PREX1: variants seen among roughly 807,000 people sequenced by gnomAD.
The protein encoded by PREX1 is phosphatidylinositol-3,4,5-trisphosphate dependent Rac exchange factor 1.
Under a neutral mutation model 198.3 loss-of-function variants are expected in PREX1, and 41 were observed. The observed-to-expected ratio is 0.21, with a 90% CI of 0.16 to 0.27. PREX1 has a LOEUF of 0.27. PREX1 is among the 10% of genes least tolerant of loss of function. The pLI is 1.00. For missense variants in PREX1, 1,620 were observed against 2,200.7 expected (o/e 0.74, Z 5.28); for synonymous variants, 843 against 887.2 (o/e 0.95, Z 0.89).
chr20:48,667,920 G>T (rs1225263646), intron 14 of PREX1, among the ~76,000 whole-genome samples: 1 of 152,202 alleles, frequency 6.6e-6, no homozygotes, highest in African/African-American at 2.4e-5. Flanking sequence ...AAGCAGCGCT[G>T]ATTGTCCCTC....
At position 48,659,989 on chromosome 20, in the gene PREX1, G is replaced by A. The variant is rs1159610571; in HGVS notation, c.1811C>T (p.Thr604Ile). The A allele has an allele frequency of 6.2e-7, 1 of 1,614,070 alleles. No homozygotes were observed. Among genetic ancestry groups the A allele is most frequent in the African/African-American group, 1.3e-5 (1 of 74,912 alleles). Residue 604 changes from threonine (T) to isoleucine (I), a missense_variant, in exon 16 of 40, where the codon ACC becomes ATC. Coordinates refer to ENST00000371941, the MANE Select transcript of PREX1 (RefSeq NM_020820.4). ...GCGAAGCTGTTTGTTCTTGCTGCTG[G>A]TCCCCTCCATCTCCTCGTCAGCATG... ...RFHADEEMEG[T>I]SSKNKQLRND...
At chr20:48,724,844 A>G (rs1050615569) in intron 5 of PREX1, among the ~76,000 whole-genome samples, 11 of 152,276 alleles carry the variant, frequency 7.2e-5, no homozygotes, top group African/African-American at 1.7e-4. Context: ...CTACCAGTTT[A>G]TAAGTTTCAC....
intron 1 of PREX1, among the ~76,000 whole-genome samples, chr20:48,810,854 T>A (rs2090430768): frequency 6.6e-6 from 1 of 151,824 alleles, no homozygotes; most frequent in Non-Finnish European, 1.5e-5. Context: ...ACCACTGCAC[T>A]CCAGCCTGGG....
At chr20:48,658,071 G>A in intron 17 of PREX1, 65 bp downstream of exon 17, 1 of 1,485,396 alleles carries the variant, frequency 6.7e-7, no homozygotes, top group Non-Finnish European at 9.2e-7. Flanking sequence ...CTCAAGGAGG[G>A]TGAAGAGAGA....
the PREX1 span, among the ~76,000 whole-genome samples, chr20:48,867,076 G>C: frequency 3.1e-4 from 47 of 152,246 alleles, no homozygotes; most frequent in Non-Finnish European, 5.9e-4. Flanking sequence ...GGAAGAAAAG[G>C]GAACCTCCCA....
chr20:48,856,265 A>T, the PREX1 span, among the ~76,000 whole-genome samples: 2 of 152,228 alleles, frequency 1.3e-5, no homozygotes. Flanking sequence ...CATCCATCCC[A>T]GAGTTGCTGG....
At chr20:48,801,647 T>C (rs1055235470) in intron 1 of PREX1, among the ~76,000 whole-genome samples, 2 of 152,206 alleles carry the variant, frequency 1.3e-5, no homozygotes, top group Non-Finnish European at 2.9e-5. Context: ...TCCCCGGGGC[T>C]GTTGCAGTCA....
rs984959133 is a variant in PREX1 at position 48,624,957 on chromosome 20, T to A, written c.*928A>T. The A allele has an allele frequency of 6.6e-6, 1 of 152,412 alleles. No individual in the cohort carries two copies. Among genetic ancestry groups the A allele is most frequent in the Non-Finnish European group, 1.5e-5 (1 of 68,026 alleles). 9.4% of individuals were successfully genotyped at this position (152,412 alleles called of 1,614,324 possible). On this transcript the variant is annotated 3_prime_UTR_variant, in exon 40 of 40. Coordinates refer to ENST00000371941, the MANE Select transcript of PREX1 (RefSeq NM_020820.4). ...GGAGAATGGAGGGTGGGGGAAGGAA[T>A]CACAGTCGATACCTCAAAACGACAC...
chr20:48,820,655 A>G (rs188235426), intron 1 of PREX1, among the ~76,000 whole-genome samples: 27 of 152,304 alleles, frequency 1.8e-4, no homozygotes, highest in Non-Finnish European at 3.2e-4. Flanking sequence ...TTTCACACCC[A>G]ACCACCTCTA....
intron 13 of PREX1, 143 bp downstream of exon 13, chr20:48,679,217 G>T: frequency 2.8e-6 from 2 of 716,188 alleles, no homozygotes; most frequent in Non-Finnish European, 4.8e-6. Flanking sequence ...TAATCCTAAT[G>T]ACAAATCTAA....
chr20:48,657,222 C>T, intron 17 of PREX1, 34 bp from the exon 18 acceptor site: 4 of 1,607,922 alleles, frequency 2.5e-6, no homozygotes, highest in Non-Finnish European at 3.4e-6. Context: ...GACGTGCACA[C>T]CAGTTACTAA....
the PREX1 span, among the ~76,000 whole-genome samples, chr20:48,843,194 A>T: frequency 1.2e-4 from 19 of 152,184 alleles, no homozygotes; most frequent in Non-Finnish European, 2.8e-4. Context: ...ATCCAACTCA[A>T]ACCAGTTCAG....
intron 4 of PREX1, among the ~76,000 whole-genome samples, chr20:48,731,061 T>A (rs879069951): frequency 6.6e-6 from 1 of 152,082 alleles, no homozygotes; most frequent in Admixed American, 6.6e-5. Flanking sequence ...GCTCCTTCAT[T>A]ACCTGGTTTC....
At chr20:48,832,422 G>A (rs370211546), upstream of PREX1, among the ~76,000 whole-genome samples, 85 of 152,282 alleles carry the variant, frequency 5.6e-4, no homozygotes, top group Middle Eastern at 6.8e-3. Flanking sequence ...AAAAACAAGT[G>A]ATTTTCTTTC....
At chr20:48,781,520 C>T (rs1343987935) in intron 1 of PREX1, among the ~76,000 whole-genome samples, 1 of 152,192 alleles carries the variant, frequency 6.6e-6, no homozygotes, top group Admixed American at 6.5e-5. Flanking sequence ...CTACAGCTGA[C>T]ACCCCACTCC....
At chr20:48,646,875 G>A (rs1044996407) in intron 25 of PREX1, among the ~76,000 whole-genome samples, 1 of 152,122 alleles carries the variant, frequency 6.6e-6, no homozygotes, top group Non-Finnish European at 1.5e-5. Context: ...CGGAGACTCT[G>A]TTTCCTCATA....
chr20:48,808,665 G>A (rs745627514), intron 1 of PREX1, among the ~76,000 whole-genome samples: 9 of 152,316 alleles, frequency 5.9e-5, no homozygotes, highest in Non-Finnish European at 7.4e-5. Flanking sequence ...CTCACTCAGC[G>A]TAGAAAGCAA....
chr20:48,655,147 T>C lies in PREX1; in HGVS notation c.2209+143A>G, dbSNP rs1955207210. 3 of 889,098 alleles carry C rather than the reference T, an allele frequency of 3.4e-6. No individual in the cohort carries two copies. The Admixed American group carries it at 1.0e-4, about 30-fold the overall frequency. 55.1% of individuals were successfully genotyped at this position (889,098 alleles called of 1,614,324 possible). A position where few individuals can be genotyped will look rare whatever the true frequency, so the allele number is the denominator to read the frequency against. On this transcript the variant is annotated intron_variant, in intron 19 of 39. Transcript: ENST00000371941. The stretch of plus-strand genomic sequence containing the variant: ...CCCAACAGGCATTTGTGTTTGCAAG[T>C]CTTGGCATCAGGCAAAGAAAATAAG...
chr20:48,641,046 T>C (rs867604755), intron 29 of PREX1, among the ~76,000 whole-genome samples: 1 of 151,434 alleles, frequency 6.6e-6, no homozygotes, highest in Non-Finnish European at 1.5e-5. Context: ...GATAGATGGA[T>C]AGACAGTGGG....
Sources: gnomAD v4.1 joint callset for allele counts (sites outside exome capture counted in the v4.1 genomes callset) on GRCh38, gnomAD v4.1.1 for gene constraint, MANE v1.5 for transcripts, NCBI Gene and HGNC (gene_info 2026-07-23, HGNC 2026-07-21) for gene names.